FGD3: variants seen among roughly 807,000 people sequenced by gnomAD.
FGD3 encodes FYVE, RhoGEF and PH domain-containing protein 3.
Under a neutral mutation model 71.8 loss-of-function variants are expected in FGD3, and 45 were observed. The ratio of observed to expected loss-of-function variants is 0.63; its 90% CI spans 0.49 to 0.80. The LOEUF is 0.80. Among genes scored for constraint, FGD3 ranks in the 30% least tolerant of loss-of-function variants. The probability of loss-of-function intolerance (pLI) is 0.00; values close to 1 mark genes in which losing one functional copy is unlikely to be tolerated. For missense variants in FGD3, 844 were observed against 951.5 expected (o/e 0.89, Z 1.49); for synonymous variants, 378 against 392.8 (o/e 0.96, Z 0.44).
At chr9:93,015,375 A>C (rs867725637) in intron 9 of FGD3, among the ~76,000 whole-genome samples, 10 of 152,204 alleles carry the variant, frequency 6.6e-5, no homozygotes, top group African/African-American at 2.4e-4. Context: ...AGAAGCTCTT[A>C]AACACGGGAG....
Position 93,025,965 on chromosome 9 carries a change from C to A in FGD3, c.1557+3576C>A, listed in dbSNP as rs561925416. On this transcript the variant is annotated intron_variant, in intron 14 of 17. Coordinates refer to ENST00000375482, the MANE Select transcript of FGD3 (RefSeq NM_001083536.2). Reference sequence around the variant, plus strand: ...AGGCATCAGGCCTCAGCCTGGCCACCCTCCTGTTGGAATAGCCCCAGGCAG... The same window carrying A: ...AGGCATCAGGCCTCAGCCTGGCCACACTCCTGTTGGAATAGCCCCAGGCAG... Among the ~76,000 whole-genome samples the A allele has an allele frequency of 2.0e-5, 3 of 152,338 alleles. No homozygotes were observed. The South Asian group carries it at 6.2e-4, about 32-fold the overall frequency.
chr9:93,023,862 C>T lies in FGD3; in HGVS notation c.1557+1473C>T, dbSNP rs1184138869. 3.6e-5 allele frequency among the ~76,000 whole-genome samples: 5 copies of T among 139,642 alleles called. No individual in the cohort carries two copies. In the Admixed American group the frequency reaches 4.0e-4, roughly 11 times the overall value. 91.6% of individuals were successfully genotyped at this position (139,642 alleles called of 152,430 possible). On this transcript the variant is annotated intron_variant, in intron 14 of 17. Transcript: ENST00000375482. ...TGTCGCCCAGGCCGGAGTGCGGTGG[C>T]ACAATCTCAGCTCACTGCAACCTCC...
chr9:92,949,536 G>A (rs1041584900), intron 1 of FGD3, among the ~76,000 whole-genome samples: 2 of 152,146 alleles, frequency 1.3e-5, no homozygotes, highest in African/African-American at 4.8e-5. Context: ...GTTCAGTCTT[G>A]GGGTGTCGTC....
At chr9:92,988,839 G>A (rs370373386) in intron 3 of FGD3, among the ~76,000 whole-genome samples, 110 of 152,232 alleles carry the variant, frequency 7.2e-4, no homozygotes, top group African/African-American at 2.5e-3. Flanking sequence ...GGGTTTGGGG[G>A]TTGACAGCAT....
chr9:92,957,283 T>G (rs2118506059), intron 1 of FGD3, among the ~76,000 whole-genome samples: 1 of 152,348 alleles, frequency 6.6e-6, no homozygotes, highest in East Asian at 1.9e-4. Context: ...CCAAACAGTT[T>G]TCCAAAGTGG....
At chr9:93,011,719 A>C (rs1446305626) in intron 8 of FGD3, among the ~76,000 whole-genome samples, 3 of 147,418 alleles carry the variant, frequency 2.0e-5, no homozygotes, top group Non-Finnish European at 4.5e-5. Context: ...AGCTGGGCGT[A>C]GTGGTGTATG....
intron 14 of FGD3, among the ~76,000 whole-genome samples, chr9:93,028,788 A>G (rs1432961869): frequency 6.6e-6 from 1 of 152,136 alleles, no homozygotes; most frequent in Non-Finnish European, 1.5e-5. Flanking sequence ...TGCAGGGCTG[A>G]CAGGAGGCAG....
rs981815063 is a variant in FGD3, at chr9:93,003,068, T to C, written c.543+54T>C. 1.9e-5 allele frequency: 29 copies of C among 1,513,138 alleles called. No homozygotes were observed. The highest frequency in any genetic ancestry group is 2.6e-5 in the Non-Finnish European group (28 of 1,088,896). 93.7% of individuals were successfully genotyped at this position (1,513,138 alleles called of 1,614,324 possible). ...AGTATCTCTTAGCATTGGCTGGGCA[T>C]TATAGGTGCAGTGTGAATGACTTAA... On this transcript the variant is annotated intron_variant, in intron 4 of 17. Coordinates refer to ENST00000375482, the MANE Select transcript of FGD3 (RefSeq NM_001083536.2). This position sits in a 1 kb window ranked among gnomAD's most constrained non-coding sequence, Gnocchi z 4.1.
chr9:93,001,767 C>T (rs995115820), intron 3 of FGD3, among the ~76,000 whole-genome samples: 1 of 152,144 alleles, frequency 6.6e-6, no homozygotes. Flanking sequence ...GGAAATCTGT[C>T]TGTGTGACTG....
chr9:92,970,127 G>A (rs78213515), intron 1 of FGD3, among the ~76,000 whole-genome samples: 2,774 of 152,256 alleles, frequency 0.018, 94 homozygotes, highest in African/African-American at 0.063. Context: ...GCATAGCCCT[G>A]GGCGGACCAG....
chr9:92,985,842 G>C (rs1218204906), intron 3 of FGD3, among the ~76,000 whole-genome samples: 1 of 152,182 alleles, frequency 6.6e-6, no homozygotes, highest in Non-Finnish European at 1.5e-5. Flanking sequence ...CATCTGAGGG[G>C]TGTGTCCTGT....
chr9:92,998,930 T>C (rs1394596510), intron 3 of FGD3, among the ~76,000 whole-genome samples: 2 of 152,224 alleles, frequency 1.3e-5, no homozygotes, highest in African/African-American at 4.8e-5. Flanking sequence ...AGGGACCCAC[T>C]TGAGGAGGCA....
chr9:92,972,983 G>A (rs1859591553), intron 1 of FGD3, among the ~76,000 whole-genome samples: 1 of 152,050 alleles, frequency 6.6e-6, no homozygotes, highest in Non-Finnish European at 1.5e-5. Flanking sequence ...AACATAGGAT[G>A]ACACAGACAT....
Position 92,980,178 on chromosome 9 carries a change from G to A in FGD3, c.453+3469G>A, listed in dbSNP as rs566729539. 7.8e-4 allele frequency among the ~76,000 whole-genome samples: 119 copies of A among 152,012 alleles called. 1 individual carries two copies. The highest frequency in any genetic ancestry group is 1.2e-3 in the Non-Finnish European group (82 of 67,970). ...TGAGACTACAGGCGTGTGCCACCACGCCCAGCTAATTTTTGTATTTCTAGT... is the reference window on the plus strand; with the variant it reads ...TGAGACTACAGGCGTGTGCCACCACACCCAGCTAATTTTTGTATTTCTAGT... On this transcript the variant is annotated intron_variant, in intron 3 of 17. Coordinates refer to ENST00000375482, the MANE Select transcript of FGD3 (RefSeq NM_001083536.2).
intron 1 of FGD3, among the ~76,000 whole-genome samples, chr9:92,950,806 A>C (rs996042865): frequency 5.9e-5 from 9 of 152,200 alleles, no homozygotes; most frequent in Non-Finnish European, 1.2e-4. Flanking sequence ...CCCAGGAGGA[A>C]TCTGTGGACG....
At chr9:93,017,540 C>T (rs1225853894) in intron 10 of FGD3, among the ~76,000 whole-genome samples, 3 of 152,050 alleles carry the variant, frequency 2.0e-5, no homozygotes, top group African/African-American at 4.8e-5. Context: ...CTACTGCGCC[C>T]GGCCATGGTC....
chr9:92,975,765 T>C (rs1489387623), intron 2 of FGD3, among the ~76,000 whole-genome samples: 1 of 151,752 alleles, frequency 6.6e-6, no homozygotes, highest in Non-Finnish European at 1.5e-5. Flanking sequence ...TTCTGACCTG[T>C]CCAGCAGGCA....
chr9:93,001,930 A>T (rs532420828), intron 3 of FGD3, among the ~76,000 whole-genome samples: 2 of 152,280 alleles, frequency 1.3e-5, no homozygotes, highest in South Asian at 4.1e-4. Flanking sequence ...CTGCTCTTCC[A>T]CCATGTGAAG....
chr9:92,952,162 G>A (rs556834937), intron 1 of FGD3, among the ~76,000 whole-genome samples: 1 of 152,172 alleles, frequency 6.6e-6, no homozygotes, highest in South Asian at 2.1e-4. Context: ...AATGCAGGGG[G>A]TGACCAGAGC....
Sources: allele counts gnomAD v4.1 joint callset (sites outside exome capture counted in the v4.1 genomes callset), GRCh38; gene constraint gnomAD v4.1.1; non-coding constraint Gnocchi (gnomAD v3.1); transcripts MANE v1.5; gene names NCBI Gene and HGNC (gene_info 2026-07-23, HGNC 2026-07-21).